RCN3: variants seen among roughly 807,000 people sequenced by gnomAD.
RCN3 encodes the protein reticulocalbin 3.
A neutral mutation model predicts 35.9 loss-of-function variants in RCN3; 41 were observed. The observed-to-expected ratio is 1.14, with a 90% CI of 0.89 to 1.48. The LOEUF is 1.48. Among genes scored for constraint, RCN3 ranks in the 40% most tolerant of loss-of-function variants. The pLI, the probability that RCN3 is intolerant of heterozygous loss-of-function variation, is 0.00. For synonymous variants in RCN3, 187 were observed against 193.4 expected (o/e 0.97, Z 0.27); for missense variants, 451 against 471.3 (o/e 0.96, Z 0.40).
intron 3 of RCN3, among the ~76,000 whole-genome samples, chr19:49,536,677 C>T (rs1230508587): frequency 6.7e-6 from 1 of 149,920 alleles, no homozygotes; most frequent in Non-Finnish European, 1.5e-5. Context: ...GGTGCAGTCT[C>T]AGCTCACGGC....
chr19:49,534,376 C>CT lies in RCN3; in HGVS notation c.427dup (p.Tyr143LeufsTer8). ...GTTGGGAGGAGCTGCGCAACGCCAC[C>CT]TATGGCCACTACGCGCCCGGTACGC... On this transcript the variant is annotated frameshift_variant, in exon 3 of 7. Coordinates refer to ENST00000270645, the MANE Select transcript of RCN3 (RefSeq NM_020650.3). LOFTEE classifies it high-confidence loss of function. 6.5e-7 allele frequency: 1 copy of CT among 1,539,334 alleles called. No individual in the cohort carries two copies. Among genetic ancestry groups the CT allele is most frequent in the African/African-American group, 1.4e-5 (1 of 71,920 alleles).
At position 49,539,102 on chromosome 19, in the gene RCN3, G is replaced by A; in HGVS notation, c.619-17G>A. ...AGGGTCATCGGCCCCCAGCCTCAAT[G>A]CCCCTTTCTCCTCCAGGAAACCCTG... On this transcript the variant is annotated splice_polypyrimidine_tract_variant and intron_variant, in intron 4 of 6. Transcript: ENST00000270645. The A allele has an allele frequency of 6.3e-7, 1 of 1,583,358 alleles. No individual in the cohort carries two copies. The highest frequency in any genetic ancestry group is 2.3e-5 in the East Asian group (1 of 43,864).
chr19:49,536,801 T>C (rs1043642269), intron 3 of RCN3, among the ~76,000 whole-genome samples: 3 of 151,464 alleles, frequency 2.0e-5, no homozygotes, highest in Non-Finnish European at 4.4e-5. Flanking sequence ...AGATGGGGTT[T>C]CGCCATGTTG....
At chr19:49,528,789 CA>C (rs2080094607) in intron 2 of RCN3, 75 bp downstream of exon 2, 2 of 1,426,298 alleles carry the variant, frequency 1.4e-6, no homozygotes. Flanking sequence ...CGACAGGGGT[CA>C]GAGAAATGGC....
chr19:49,542,077 T>C lies in RCN3; in HGVS notation c.680-476T>C, dbSNP rs1244389369. On this transcript the variant is annotated intron_variant, in intron 5 of 6. Transcript: ENST00000270645. ...TCCATCTCAAAAAAAAAAAAAAAAA[T>C]TTGTAGAAACAGGGTCTTGCTATGT... Among the ~76,000 whole-genome samples, 50 of 148,162 alleles carry C rather than the reference T, an allele frequency of 3.4e-4. 1 individual carries two copies. Among genetic ancestry groups the C allele is most frequent in the Non-Finnish European group, 1.5e-5 (1 of 66,918 alleles).
At position 49,530,191 on chromosome 19, in the gene RCN3, G is replaced by C. The variant is rs887738420; in HGVS notation, c.242+1477G>C. On this transcript the variant is annotated intron_variant, in intron 2 of 6. Coordinates refer to ENST00000270645, the MANE Select transcript of RCN3 (RefSeq NM_020650.3). Reference sequence around the variant, plus strand: ...TTTTTTTTTTTTGGAGACAGAGTGAGACTCTGTCTCCCGGGCTAGAGTGCA... The same window carrying C: ...TTTTTTTTTTTTGGAGACAGAGTGACACTCTGTCTCCCGGGCTAGAGTGCA... Among the ~76,000 whole-genome samples, 9 of 148,402 alleles carry C rather than the reference G, an allele frequency of 6.1e-5. No homozygotes were observed. In the South Asian group the frequency reaches 6.4e-4, roughly 11 times the overall value.
Position 49,528,569 on chromosome 19 carries a change from AG to A in RCN3, c.100del (p.Val34CysfsTer7), listed in dbSNP as rs1453579956. 1.2e-6 allele frequency: 2 copies of A among 1,604,832 alleles called. No homozygotes were observed. The highest frequency in any genetic ancestry group is 1.7e-6 in the Non-Finnish European group (2 of 1,175,866). On this transcript the variant is annotated frameshift_variant, in exon 2 of 7. Coordinates refer to ENST00000270645, the MANE Select transcript of RCN3 (RefSeq NM_020650.3). Reference sequence around the variant, plus strand: ...AGACGCAGGCCCTCATGGCCAGGGGAGGGTGCACCAGGCGGCCCCCCTGAGC... The same window carrying A: ...AGACGCAGGCCCTCATGGCCAGGGGAGGTGCACCAGGCGGCCCCCCTGAGC... Reference protein sequence around the residue: ...SPDAGPHGQGRVHQAAPLSDA... With the variant: ...SPDAGPHGQGXVHQAAPLSDA...
At chr19:49,534,109 A>T (rs2080122260) in intron 2 of RCN3, 84 bp from the exon 3 acceptor site, 6 of 1,270,494 alleles carry the variant, frequency 4.7e-6, no homozygotes, top group Non-Finnish European at 6.2e-6. Context: ...CCGGATCCGA[A>T]GTGTCCCAGG....
chr19:49,543,168 C>T lies in RCN3; in HGVS notation c.942C>T (p.Ala314=), dbSNP rs1568713559. The T allele has an allele frequency of 6.2e-7, 1 of 1,614,062 alleles. No individual in the cohort carries two copies. Residue 314 remains alanine, a synonymous_variant, in exon 7 of 7, where the codon GCC becomes GCT. Coordinates refer to ENST00000270645, the MANE Select transcript of RCN3 (RefSeq NM_020650.3). The part of the protein sequence containing the change: ...GNWNMFVGSQ[A]TNYGEDLTRH... ...GGAACATGTTTGTGGGCAGTCAGGC[C>T]ACCAACTATGGCGAGGACCTGACCC...
chr19:49,536,465 A>C (rs1297723905), intron 3 of RCN3, among the ~76,000 whole-genome samples: 3 of 144,810 alleles, frequency 2.1e-5, no homozygotes, highest in African/African-American at 7.7e-5. Flanking sequence ...CATGCCAGGC[A>C]AATTTTTGTA....
chr19:49,539,290 A>C (rs1249835749), intron 5 of RCN3, 111 bp downstream of exon 5: 1 of 801,358 alleles, frequency 1.2e-6, no homozygotes, highest in Non-Finnish European at 2.0e-6. Context: ...AGTGGCCCTC[A>C]GACATGGGGG....
chr19:49,543,360 G>A lies in RCN3; in HGVS notation c.*147G>A. On this transcript the variant is annotated 3_prime_UTR_variant, in exon 7 of 7. Transcript: ENST00000270645. ...GCCCCTGGGCTCTCAGGGACCCCCT[G>A]GGTCGGCTTCTGTCCCTGTCACACC... 1 of 688,032 alleles carries A rather than the reference G, an allele frequency of 1.5e-6. No individual in the cohort carries two copies. The highest frequency in any genetic ancestry group is 2.6e-6 in the Non-Finnish European group (1 of 391,192). 42.6% of individuals were successfully genotyped at this position (688,032 alleles called of 1,614,324 possible). A position where few individuals can be genotyped will look rare whatever the true frequency, so the allele number is the denominator to read the frequency against.
At position 49,537,225 on chromosome 19, in the gene RCN3, C is replaced by A; in HGVS notation, c.618+20C>A. The A allele has an allele frequency of 6.7e-7, 1 of 1,482,916 alleles. No individual in the cohort carries two copies. The highest frequency in any genetic ancestry group is 9.0e-7 in the Non-Finnish European group (1 of 1,107,338). The allele number at this position is 1,482,916 out of a possible 1,614,324, so 91.9% of individuals were successfully genotyped here. On this transcript the variant is annotated intron_variant, in intron 4 of 6. Transcript: ENST00000270645. Reference sequence around the variant, plus strand: ...ATTGCTGTGAGTGGCGGCTGGGGAACCCTGTCCCCCACACCCTTCCGGGGA... The same window carrying A: ...ATTGCTGTGAGTGGCGGCTGGGGAAACCTGTCCCCCACACCCTTCCGGGGA...
intron 3 of RCN3, 151 bp downstream of exon 3, chr19:49,534,546 T>C: frequency 1.4e-6 from 1 of 705,410 alleles, no homozygotes; most frequent in South Asian, 2.0e-5. Context: ...CTGTGAGATC[T>C]TCAGTTTCTC....
rs760046218 is a variant in RCN3, at chr19:49,537,113, G to A, written c.526G>A (p.Asp176Asn). The A allele has an allele frequency of 1.1e-5, 18 of 1,597,670 alleles. No homozygotes were observed. The highest frequency in any genetic ancestry group is 5.4e-5 in the African/African-American group (4 of 73,904). The change falls in exon 4 of 7, where the codon GAC (aspartate) becomes AAC (asparagine). Residue 176 changes from aspartate to asparagine, a missense_variant. Asp to Asn is a conservative substitution (Grantham distance 23). Coordinates refer to ENST00000270645, the MANE Select transcript of RCN3 (RefSeq NM_020650.3). ...ARDERRFRVA[D>N]QDGDSMATRE... is the part of the protein sequence containing the mutation. ...GGACGAGCGGCGTTTCCGGGTGGCCGACCAGGATGGGGACTCGATGGCCAC... is the reference window on the plus strand; with the variant it reads ...GGACGAGCGGCGTTTCCGGGTGGCCAACCAGGATGGGGACTCGATGGCCAC...
rs942671312 is a variant in RCN3, at chr19:49,539,769, C to A, written c.679+590C>A. On this transcript the variant is annotated intron_variant, in intron 5 of 6. Transcript: ENST00000270645. ...AGACAGTTTTTTTCTGTTGCTCAGG[C>A]TGGAGCGCGGTGGCGTGGTATCGGC... Among the ~76,000 whole-genome samples, 5 of 133,540 alleles carry A rather than the reference C, an allele frequency of 3.7e-5. No homozygotes were observed. The Admixed American group carries it at 4.3e-4, about 11-fold the overall frequency. 87.6% of individuals were successfully genotyped at this position (133,540 alleles called of 152,430 possible). A position where few individuals can be genotyped will look rare whatever the true frequency, so the allele number is the denominator to read the frequency against.
chr19:49,540,151 A>G (rs905465675), intron 5 of RCN3, among the ~76,000 whole-genome samples: 8 of 148,016 alleles, frequency 5.4e-5, no homozygotes, highest in African/African-American at 7.6e-5. Context: ...CTTTCTTTCT[A>G]TCTGTCTGTC....
chr19:49,533,866 GGTGCAGCAC>G (rs2122722830), intron 2 of RCN3, among the ~76,000 whole-genome samples: 1 of 152,298 alleles, frequency 6.6e-6, no homozygotes, highest in Admixed American at 6.5e-5. Flanking sequence ...CCCAGCGAGA[GGTGCAGCAC>G]GTGCAGGCCG....
intron 4 of RCN3, among the ~76,000 whole-genome samples, chr19:49,537,688 A>G (rs2080143166): frequency 1.3e-5 from 2 of 151,898 alleles, no homozygotes; most frequent in African/African-American, 4.8e-5. Flanking sequence ...TAGTAGAGAC[A>G]GGGTTTCTTC....
Sources: allele counts gnomAD v4.1 joint callset (sites outside exome capture counted in the v4.1 genomes callset), GRCh38; gene constraint gnomAD v4.1.1; transcripts MANE v1.5; gene names NCBI Gene and HGNC (gene_info 2026-07-23, HGNC 2026-07-21).